Variants in AK7 observed in about 807,000 individuals in gnomAD.
The protein encoded by AK7 is ATP-AMP transphosphorylase 7.
Under a neutral mutation model 96.6 loss-of-function variants are expected in AK7, and 78 were observed. The observed-to-expected ratio is 0.81, with a 90% confidence interval of 0.67 to 0.97. AK7 has a LOEUF of 0.97. AK7 is among the 50% of genes least tolerant of loss of function. The pLI, the probability that AK7 is intolerant of heterozygous loss-of-function variation, is 0.00. For synonymous variants in AK7, 302 were observed against 317.2 expected (o/e 0.95, Z 0.51); for missense variants, 855 against 887.9 (o/e 0.96, Z 0.47).
intron 3 of AK7, among the ~76,000 whole-genome samples, chr14:96,408,145 C>T (rs578057718): frequency 6.6e-6 from 1 of 152,334 alleles, no homozygotes; most frequent in East Asian, 1.9e-4. Flanking sequence ...GGTGGGCACA[C>T]CCCGAATTAC....
chr14:96,434,609 AC>A (rs57175001), intron 5 of AK7, among the ~76,000 whole-genome samples: 10,643 of 151,964 alleles, frequency 0.07, 1,289 homozygotes, highest in African/African-American at 0.24. Context: ...GCCTGTGTTC[AC>A]TCAGGGCTCT....
At chr14:96,488,071 C>T (rs982360644) in intron 17 of AK7, 2 of 418,070 alleles carry the variant, frequency 4.8e-6, no homozygotes, top group African/African-American at 2.1e-5. Flanking sequence ...TGCCACCACA[C>T]TCAGCTAATG....
At chr14:96,473,568 T>C (rs974806146) in intron 14 of AK7, among the ~76,000 whole-genome samples, 1 of 151,778 alleles carries the variant, frequency 6.6e-6, no homozygotes, top group Non-Finnish European at 1.5e-5. Context: ...TCTTTTTGAG[T>C]TTAATAAAGT....
chr14:96,448,169 C>T (rs1043412441), intron 8 of AK7, among the ~76,000 whole-genome samples: 1 of 151,664 alleles, frequency 6.6e-6, no homozygotes, highest in African/African-American at 2.4e-5. Flanking sequence ...TATCTATCTT[C>T]CTGTGCACTC....
At chr14:96,394,424 T>C (rs1444764015) in intron 1 of AK7, among the ~76,000 whole-genome samples, 2 of 152,162 alleles carry the variant, frequency 1.3e-5, no homozygotes, top group Non-Finnish European at 2.9e-5. Flanking sequence ...TAGCATGCAA[T>C]TGAGAAATAT....
chr14:96,475,316 G>C (rs1305804277), intron 14 of AK7, among the ~76,000 whole-genome samples: 1 of 152,172 alleles, frequency 6.6e-6, no homozygotes. Context: ...TTACACTTAG[G>C]ATTCCCTAGA....
chr14:96,432,681 T>G (rs1410490238), intron 5 of AK7, among the ~76,000 whole-genome samples: 3 of 152,004 alleles, frequency 2.0e-5, no homozygotes, highest in Non-Finnish European at 2.9e-5. Context: ...GGGTTGAAAA[T>G]TCTTTTCTTT....
In AK7 at chr14:96,442,805, C is replaced by A; in HGVS notation, c.766C>A (p.Leu256Ile). Residue 256 changes from leucine to isoleucine, a missense_variant, in exon 7 of 18, where the codon CTT becomes ATT. Leu to Ile is a conservative substitution (Grantham distance 5). Transcript: ENST00000267584. The part of the protein sequence containing the change: ...GTNVIPTIHV[L>I]DLAGVIQNVI... ...AAATGTAATTCCAACAATCCATGTT[C>A]TTGATCTAGCAGGGTAAGCATTCGC... The A allele has an allele frequency of 6.2e-7, 1 of 1,613,900 alleles. No individual in the cohort carries two copies. The highest frequency in any genetic ancestry group is 8.5e-7 in the Non-Finnish European group (1 of 1,179,762).
At chr14:96,396,256 C>G (rs1415076476) in intron 1 of AK7, among the ~76,000 whole-genome samples, 1 of 152,000 alleles carries the variant, frequency 6.6e-6, no homozygotes, top group Admixed American at 6.6e-5. Flanking sequence ...CTAGTTGGTC[C>G]TTAATTAATT....
chr14:96,392,253 C>T lies in AK7; in HGVS notation c.99C>T (p.Ile33=), dbSNP rs374682249. 1 of 1,611,922 alleles carries T rather than the reference C, an allele frequency of 6.2e-7. No individual in the cohort carries two copies. The highest frequency in any genetic ancestry group is 1.1e-5 in the South Asian group (1 of 91,030). The change falls in exon 1 of 18, where the codon ATC becomes ATT. Residue 33 remains isoleucine, a synonymous_variant. Coordinates refer to ENST00000267584, the MANE Select transcript of AK7 (RefSeq NM_152327.5). ...NLLDSYSSGN[I]GKFLSNCVVG... is the part of the protein sequence containing the mutation. ...TGGATTCCTACAGCAGCGGAAACAT[C>T]GGGAAGGTGAGCGGCGGCGGCGGCC...
At chr14:96,423,055 G>C (rs558730353) in intron 5 of AK7, among the ~76,000 whole-genome samples, 29 of 152,344 alleles carry the variant, frequency 1.9e-4, no homozygotes, top group African/African-American at 6.3e-4. Flanking sequence ...CAGATGTAGG[G>C]ATTCCTGATA....
At chr14:96,398,519 T>C in intron 2 of AK7, 1 of 497,760 alleles carries the variant, frequency 2.0e-6, no homozygotes, top group East Asian at 3.7e-5. Flanking sequence ...ACTCATACAG[T>C]TCTCCTCTTC....
intron 17 of AK7, among the ~76,000 whole-genome samples, 163 bp downstream of exon 17, chr14:96,487,219 CA>C (rs755105036): frequency 0.029 from 3,216 of 109,368 alleles, 59 homozygotes; most frequent in African/African-American, 0.069. Flanking sequence ...ACTAAAAATA[CA>C]AAAAAAAAAA....
At chr14:96,396,992 G>C (rs888537826) in intron 1 of AK7, among the ~76,000 whole-genome samples, 1 of 152,180 alleles carries the variant, frequency 6.6e-6, no homozygotes, top group Non-Finnish European at 1.5e-5. Context: ...AGCTACTCAG[G>C]AGGCTGAGGC....
intron 8 of AK7, among the ~76,000 whole-genome samples, chr14:96,446,863 C>T (rs940426807): frequency 6.6e-6 from 1 of 152,070 alleles, no homozygotes; most frequent in Admixed American, 6.6e-5. Flanking sequence ...TCGCTTGAAC[C>T]CAGGAGACGG....
In AK7 at chr14:96,434,430, C is replaced by G. The variant is rs143472059; in HGVS notation, c.610-3405C>G. On this transcript the variant is annotated intron_variant, in intron 5 of 17. Transcript: ENST00000267584. ...AGTCTCTCTGTCTGTCTGTCTCTCT[C>G]TCTCTCTCTCTCTCTCTCTCTCTCT... Among the ~76,000 whole-genome samples the G allele has an allele frequency of 3.0e-4, 7 of 23,578 alleles. No individual in the cohort carries two copies. In the East Asian group the frequency reaches 4.3e-3, roughly 15 times the overall value. The allele number at this position is 23,578 out of a possible 152,430, so 15.5% of individuals were successfully genotyped here.
At chr14:96,394,538 G>T (rs1889943465) in intron 1 of AK7, among the ~76,000 whole-genome samples, 1 of 152,192 alleles carries the variant, frequency 6.6e-6, no homozygotes, top group African/African-American at 2.4e-5. Context: ...GTGCTCCATA[G>T]AAATTTATTA....
rs1891867128 is a variant in AK7 at position 96,423,983 on chromosome 14, G to GA, written c.609+3052dup. 1.0e-5 allele frequency: 9 copies of GA among 895,918 alleles called. No individual in the cohort carries two copies. The Admixed American group carries it at 1.6e-4, about 16-fold the overall frequency. 55.5% of individuals were successfully genotyped at this position (895,918 alleles called of 1,614,324 possible). A position where few individuals can be genotyped will look rare whatever the true frequency, so the allele number is the denominator to read the frequency against. ...AAATGATGCCATTCCCTGTATTGGG[G>GA]ATCCTTCCTGCTTGGAGCATCCGGG... On this transcript the variant is annotated intron_variant, in intron 5 of 17. Transcript: ENST00000267584.
intron 12 of AK7, among the ~76,000 whole-genome samples, chr14:96,461,725 C>T (rs141570382): frequency 0.011 from 1,659 of 152,126 alleles, 41 homozygotes; most frequent in South Asian, 0.093. Flanking sequence ...GCTGGGATTA[C>T]AGGCACACAC....
Sources: gnomAD v4.1 joint callset for allele counts (sites outside exome capture counted in the v4.1 genomes callset) on GRCh38, gnomAD v4.1.1 for gene constraint, MANE v1.5 for transcripts, NCBI Gene and HGNC (gene_info 2026-07-23, HGNC 2026-07-21) for gene names.